STC2: variants seen among roughly 807,000 people sequenced by gnomAD.
The protein encoded by STC2 is stanniocalcin-2.
In STC2, 7 loss-of-function variants were observed where a neutral mutation model predicts 22.7. The ratio of observed to expected loss-of-function variants is 0.31; its 90% CI spans 0.18 to 0.58. STC2 has a LOEUF of 0.58. Ranked by LOEUF, STC2 falls within the 20% of genes least tolerant of loss-of-function variation. The probability of loss-of-function intolerance (pLI) is 0.89; values close to 1 mark genes in which losing one functional copy is unlikely to be tolerated. For missense variants in STC2, 336 were observed against 406.2 expected (o/e 0.83, Z 1.48); for synonymous variants, 158 against 163.4 (o/e 0.97, Z 0.25).
chr5:173,323,144 G>T lies in STC2; in HGVS notation c.506+75C>A. ...GGCATTCAGCCTCTAGAAGCAACGC[G>T]GCTCTCCTCCCATACACATTGCCAT... On this transcript the variant is annotated intron_variant, in intron 3 of 3. Coordinates refer to ENST00000265087, the MANE Select transcript of STC2 (RefSeq NM_003714.3). The surrounding 1 kb of genome is among the most constrained non-coding windows in gnomAD (Gnocchi z 5.4). 2 of 1,440,950 alleles carry T rather than the reference G, an allele frequency of 1.4e-6. No individual in the cohort carries two copies. Among genetic ancestry groups the T allele is most frequent in the Non-Finnish European group, 1.9e-6 (2 of 1,028,922 alleles). 89.3% of individuals were successfully genotyped at this position (1,440,950 alleles called of 1,614,324 possible).
chr5:173,321,528 C>T (rs555877544), intron 3 of STC2, among the ~76,000 whole-genome samples: 2 of 152,316 alleles, frequency 1.3e-5, no homozygotes, highest in East Asian at 1.9e-4. Flanking sequence ...GGACAAGAAG[C>T]CCACCACATG....
At chr5:173,322,199 C>A (rs1762495991) in intron 3 of STC2, among the ~76,000 whole-genome samples, 1 of 152,068 alleles carries the variant, frequency 6.6e-6, no homozygotes, top group Non-Finnish European at 1.5e-5. Context: ...GTGGAGAGAC[C>A]AACAGTGCCA....
At chr5:173,321,111 TG>T (rs1301935784) in intron 3 of STC2, among the ~76,000 whole-genome samples, 1 of 150,540 alleles carries the variant, frequency 6.6e-6, no homozygotes, top group African/African-American at 2.5e-5. Context: ...CAGAGCAGGC[TG>T]GGGTGGGGGG....
chr5:173,321,348 T>C (rs1171040459), intron 3 of STC2, among the ~76,000 whole-genome samples: 1 of 152,044 alleles, frequency 6.6e-6, no homozygotes, highest in African/African-American at 2.4e-5. Context: ...TGGGCCCCAT[T>C]CCCCACCGAT....
intron 3 of STC2, among the ~76,000 whole-genome samples, chr5:173,318,675 C>T (rs1262338695): frequency 6.6e-6 from 1 of 152,106 alleles, no homozygotes; most frequent in Non-Finnish European, 1.5e-5. Context: ...GCAAATGGTG[C>T]AGGGCCTTAC....
intron 1 of STC2, among the ~76,000 whole-genome samples, chr5:173,327,805 C>T (rs903831549): frequency 2.0e-5 from 3 of 152,236 alleles, no homozygotes; most frequent in African/African-American, 7.2e-5. Flanking sequence ...GGGAGGACAG[C>T]AACAAGTCCT....
At chr5:173,326,233 C>T (rs909852008) in intron 1 of STC2, among the ~76,000 whole-genome samples, 4 of 152,048 alleles carry the variant, frequency 2.6e-5, no homozygotes, top group Non-Finnish European at 4.4e-5. Flanking sequence ...AGAAAAGAGC[C>T]GAAAAATTAC....
At chr5:173,327,571 G>A (rs1303985445) in intron 1 of STC2, among the ~76,000 whole-genome samples, 1 of 152,270 alleles carries the variant, frequency 6.6e-6, no homozygotes, top group Non-Finnish European at 1.5e-5. Context: ...AAAGTTCTGG[G>A]ATGTCGGGCA....
At chr5:173,326,227 A>T (rs978806988) in intron 1 of STC2, among the ~76,000 whole-genome samples, 8 of 152,226 alleles carry the variant, frequency 5.3e-5, no homozygotes, top group Non-Finnish European at 8.8e-5. Flanking sequence ...ATTTGTAGAA[A>T]AGAGCCGAAA....
At chr5:173,327,316 G>A (rs549479741) in intron 1 of STC2, among the ~76,000 whole-genome samples, 1 of 152,386 alleles carries the variant, frequency 6.6e-6, no homozygotes, top group East Asian at 1.9e-4. Flanking sequence ...TTCCGAGCTG[G>A]GAAAAGGGCC....
chr5:173,322,363 C>G (rs1203844670), intron 3 of STC2, among the ~76,000 whole-genome samples: 1 of 152,154 alleles, frequency 6.6e-6, no homozygotes, highest in East Asian at 1.9e-4. Context: ...TACCAACATG[C>G]TTTACCATGC....
rs1401826475 is a variant in STC2 at position 173,327,344 on chromosome 5, G to C, written c.151+699C>G. Among the ~76,000 whole-genome samples, 5 of 152,388 alleles carry C rather than the reference G, an allele frequency of 3.3e-5. No individual in the cohort carries two copies. In the South Asian group the frequency reaches 8.3e-4, roughly 25 times the overall value. ...AAAGGGCCAGCCCCGTGCCCTGCAC[G>C]CCTGGCTCTGCTTTGCAGCTTGCCG... On this transcript the variant is annotated intron_variant, in intron 1 of 3. Coordinates refer to ENST00000265087, the MANE Select transcript of STC2 (RefSeq NM_003714.3).
In STC2 at chr5:173,318,258, T is replaced by G; in HGVS notation, c.507-9A>C. 1 of 1,305,312 alleles carries G rather than the reference T, an allele frequency of 7.7e-7. No homozygotes were observed. Among genetic ancestry groups the G allele is most frequent in the Non-Finnish European group, 9.8e-7 (1 of 1,018,022 alleles). 80.9% of individuals were successfully genotyped at this position (1,305,312 alleles called of 1,614,324 possible). A position where few individuals can be genotyped will look rare whatever the true frequency, so the allele number is the denominator to read the frequency against. On this transcript the variant is annotated splice_polypyrimidine_tract_variant and intron_variant, in intron 3 of 3. Coordinates refer to ENST00000265087, the MANE Select transcript of STC2 (RefSeq NM_003714.3). The stretch of plus-strand genomic sequence containing the variant: ...CGAGGTCCACGTAGGGTCTAAAGAT[T>G]GAAAGCAAAGAGAGAGAGAGAGAGA...
At chr5:173,320,037 G>A (rs751980898) in intron 3 of STC2, among the ~76,000 whole-genome samples, 3 of 152,236 alleles carry the variant, frequency 2.0e-5, no homozygotes, top group Non-Finnish European at 4.4e-5. Context: ...TGCCTCCGGA[G>A]CTCAAGTTCA....
rs4041247 is a variant in STC2 at position 173,318,266 on chromosome 5, A to AAGAGAGAGAGAGAGAGAG, written c.507-35_507-18dup. ...ACGTAGGGTCTAAAGATTGAAAGCA[A>AAGAGAGAGAGAGAGAGAG]AGAGAGAGAGAGAGAGAGAGAGAGA... On this transcript the variant is annotated splice_polypyrimidine_tract_variant and intron_variant, in intron 3 of 3. Coordinates refer to ENST00000265087, the MANE Select transcript of STC2 (RefSeq NM_003714.3). 1,086 of 1,235,414 alleles carry AAGAGAGAGAGAGAGAGAG rather than the reference A, an allele frequency of 8.8e-4. 8 individuals are homozygous for AAGAGAGAGAGAGAGAGAG. The highest frequency in any genetic ancestry group is 8.3e-3 in the African/African-American group (464 of 55,934). 76.5% of individuals were successfully genotyped at this position (1,235,414 alleles called of 1,614,324 possible).
At chr5:173,319,601 G>A (rs1762463398) in intron 3 of STC2, among the ~76,000 whole-genome samples, 2 of 152,262 alleles carry the variant, frequency 1.3e-5, no homozygotes, top group African/African-American at 2.4e-5. Context: ...AGAGCAGACT[G>A]TGTTTTGAGA....
intron 3 of STC2, among the ~76,000 whole-genome samples, chr5:173,321,041 T>C (rs968018482): frequency 6.6e-6 from 1 of 151,524 alleles, no homozygotes. Context: ...GATGCTGACT[T>C]AGGGGGAAGC....
At chr5:173,318,449 A>AACC (rs1015404974) in intron 3 of STC2, among the ~76,000 whole-genome samples, 200 bp from the exon 4 acceptor site, 1 of 152,158 alleles carries the variant, frequency 6.6e-6, no homozygotes, top group African/African-American at 2.4e-5. Flanking sequence ...TACTGGCCTC[A>AACC]ACCAACACTT....
rs897712053 is a variant in STC2 at position 173,314,837 on chromosome 5, A to C, written c.*3010T>G. The stretch of plus-strand genomic sequence containing the variant: ...ACAGATATTATCACTTAGCAAGCTC[A>C]CGTGGTGCCAATTCTGAGATCAGAC... On this transcript the variant is annotated 3_prime_UTR_variant, in exon 4 of 4. Coordinates refer to ENST00000265087, the MANE Select transcript of STC2 (RefSeq NM_003714.3). The surrounding 1 kb of genome is among the most constrained non-coding windows in gnomAD (Gnocchi z 4.6). 10 of 152,218 alleles carry C rather than the reference A, an allele frequency of 6.6e-5. No homozygotes were observed. Among genetic ancestry groups the C allele is most frequent in the African/African-American group, 2.4e-4 (10 of 41,464 alleles). The allele number at this position is 152,218 out of a possible 1,614,324, so 9.4% of individuals were successfully genotyped here.
Sources: allele counts gnomAD v4.1 joint callset (sites outside exome capture counted in the v4.1 genomes callset), GRCh38; gene constraint gnomAD v4.1.1; non-coding constraint Gnocchi (gnomAD v3.1); transcripts MANE v1.5; gene names NCBI Gene and HGNC (gene_info 2026-07-23, HGNC 2026-07-21).